FER: variants seen among roughly 807,000 people sequenced by gnomAD.
FER encodes tyrosine-protein kinase Fer.
FER carries 63 observed loss-of-function variants against 111.0 expected under a neutral mutation model. The observed-to-expected ratio is 0.57, with a 90% CI of 0.46 to 0.70. FER has a LOEUF of 0.70. Among genes scored for constraint, FER ranks in the 30% least tolerant of loss-of-function variants. The pLI is 0.00. For missense variants in FER, 914 were observed against 954.0 expected (o/e 0.96, Z 0.55); for synonymous variants, 327 against 313.9 (o/e 1.04, Z -0.44).
chr5:108,922,602 T>G (rs73209329), intron 10 of FER, among the ~76,000 whole-genome samples: 32,227 of 152,034 alleles, frequency 0.21, 4,134 homozygotes, highest in African/African-American at 0.37. Flanking sequence ...GGCACCTAAT[T>G]AATGCTTAAT....
At chr5:108,768,828 A>T (rs1580432167) in intron 2 of FER, among the ~76,000 whole-genome samples, 1 of 146,548 alleles carries the variant, frequency 6.8e-6, no homozygotes, top group South Asian at 2.2e-4. Context: ...TTATAATACA[A>T]TTTTTTTTTT....
chr5:108,905,804 C>T (rs1241628202), intron 10 of FER, among the ~76,000 whole-genome samples: 1 of 152,100 alleles, frequency 6.6e-6, no homozygotes, highest in South Asian at 2.1e-4. Flanking sequence ...TACAGAATTT[C>T]AAAAGCAGGT....
chr5:108,798,024 T>C lies in FER; in HGVS notation c.-59-100T>C, dbSNP rs950644814. Reference sequence around the variant, plus strand: ...GGAAGAAAGTATTCAGTTGTGTTTTTTTTTTTTAACCCCAAAGAAGAATCT... The same window carrying C: ...GGAAGAAAGTATTCAGTTGTGTTTTCTTTTTTTAACCCCAAAGAAGAATCT... On this transcript the variant is annotated intron_variant, in intron 2 of 19. Transcript: ENST00000281092. The C allele has an allele frequency of 1.2e-5, 6 of 517,434 alleles. No individual in the cohort carries two copies. In the Admixed American group the frequency reaches 1.5e-4, roughly 13 times the overall value. The allele number at this position is 517,434 out of a possible 1,614,324, so 32.1% of individuals were successfully genotyped here.
intron 10 of FER, among the ~76,000 whole-genome samples, chr5:108,942,879 C>T (rs1276071942): frequency 1.3e-5 from 2 of 152,072 alleles, no homozygotes; most frequent in Non-Finnish European, 2.9e-5. Context: ...ATTTGGCACT[C>T]AGCCTGGAGT....
intron 16 of FER, 32 bp from the exon 17 acceptor site, chr5:109,100,362 CTT>C: frequency 1.9e-6 from 3 of 1,604,622 alleles, no homozygotes; most frequent in Non-Finnish European, 2.6e-6. Flanking sequence ...TTCATCATAA[CTT>C]TGTCTCATTG....
intron 17 of FER, 132 bp downstream of exon 17, chr5:109,100,651 A>G: frequency 1.1e-6 from 1 of 897,532 alleles, no homozygotes; most frequent in Non-Finnish European, 1.7e-6. Flanking sequence ...TTTGTGTGAA[A>G]GTGTCCTCTG....
intron 16 of FER, among the ~76,000 whole-genome samples, chr5:109,055,067 G>T (rs1773447012): frequency 6.6e-6 from 1 of 152,138 alleles, no homozygotes; most frequent in South Asian, 2.1e-4. Flanking sequence ...AAAGGGGAAA[G>T]AATAGTCTGC....
At chr5:109,135,905 C>T (rs1483843197) in intron 17 of FER, among the ~76,000 whole-genome samples, 3 of 151,984 alleles carry the variant, frequency 2.0e-5, no homozygotes, top group Non-Finnish European at 2.9e-5. Context: ...TTCTGTATGA[C>T]CTTACTTCCT....
In FER at chr5:109,165,895, C is replaced by G. The variant is rs192678803; in HGVS notation, c.2049-14852C>G. 8.3e-3 allele frequency among the ~76,000 whole-genome samples: 1,193 copies of G among 143,020 alleles called. 12 individuals carry two copies. The highest frequency in any genetic ancestry group is 0.031 in the African/African-American group (1,156 of 37,756). The allele number at this position is 143,020 out of a possible 152,430, so 93.8% of individuals were successfully genotyped here. ...CCTTCAGCTGACCAAAACTGGCTGT[C>G]TATCAATAAACAATGTTTATAAAAC... On this transcript the variant is annotated intron_variant, in intron 17 of 19. Coordinates refer to ENST00000281092, the MANE Select transcript of FER (RefSeq NM_005246.4).
At chr5:109,001,896 A>C (rs1389119254) in intron 13 of FER, among the ~76,000 whole-genome samples, 1 of 152,210 alleles carries the variant, frequency 6.6e-6, no homozygotes, top group Non-Finnish European at 1.5e-5. Context: ...TGCTTCAAAG[A>C]GAACAAAATA....
At chr5:108,785,317 C>A in intron 2 of FER, 1 of 558,024 alleles carries the variant, frequency 1.8e-6, no homozygotes, top group Non-Finnish European at 3.5e-6. Flanking sequence ...TTATCAACAC[C>A]CTGTGCTTCA....
chr5:109,186,203 G>C lies in FER; in HGVS notation c.2207G>C (p.Arg736Thr). ...ATGGTTGTTGTTCCTCTTCCAGGGA[G>C]ATACAGTTCAGAGAGTGACGTGTGG... Reference protein sequence around the residue: ...WTAPEALNYGRYSSESDVWSF... With the variant: ...WTAPEALNYGTYSSESDVWSF... Residue 736 changes from arginine to threonine, a missense_variant, in exon 19 of 20, where the codon AGA (arginine) becomes ACA (threonine). Physicochemically the swap from Arg to Thr is moderately conservative, Grantham distance 71. Coordinates refer to ENST00000281092, the MANE Select transcript of FER (RefSeq NM_005246.4). 1.2e-6 allele frequency: 2 copies of C among 1,614,114 alleles called. No homozygotes were observed.
chr5:109,182,943 G>A (rs1008579404), intron 18 of FER, among the ~76,000 whole-genome samples: 2 of 152,256 alleles, frequency 1.3e-5, no homozygotes, highest in South Asian at 4.1e-4. Context: ...CAGGGCTCAA[G>A]CAGTCCTCCC....
intron 13 of FER, among the ~76,000 whole-genome samples, chr5:108,992,940 G>C (rs2149753527): frequency 6.6e-6 from 1 of 151,548 alleles, no homozygotes; most frequent in South Asian, 2.1e-4. Context: ...CTCCGACGAT[G>C]GGCGGCCGGG....
intron 2 of FER, among the ~76,000 whole-genome samples, chr5:108,776,197 T>A (rs1403255892): frequency 2.6e-5 from 4 of 152,162 alleles, no homozygotes; most frequent in African/African-American, 9.7e-5. Context: ...TAAGAATATA[T>A]GTTGGGGGAA....
At chr5:108,861,447 A>G (rs1033263985) in intron 5 of FER, among the ~76,000 whole-genome samples, 3 of 152,202 alleles carry the variant, frequency 2.0e-5, no homozygotes, top group African/African-American at 7.2e-5. Context: ...GTTGTGGCAA[A>G]CAAATTATAA....
At chr5:109,017,324 G>C (rs1221293385) in intron 13 of FER, among the ~76,000 whole-genome samples, 4 of 151,912 alleles carry the variant, frequency 2.6e-5, no homozygotes, top group Non-Finnish European at 5.9e-5. Context: ...AGACAAGATA[G>C]TTATTATAGA....
chr5:108,851,002 T>G (rs559930113), intron 5 of FER, among the ~76,000 whole-genome samples: 11 of 152,258 alleles, frequency 7.2e-5, no homozygotes, highest in Non-Finnish European at 1.5e-4. Context: ...TTAACCTAAG[T>G]TTTAGAGTCT....
rs779666950 is a variant in FER, at chr5:109,037,418, G to T, written c.1657-4G>T. Reference sequence around the variant, plus strand: ...TAAACAACTGTTCTTATTCTTTGCTGTAGGACAAGAAATGGATTCTCAGTC... The same window carrying T: ...TAAACAACTGTTCTTATTCTTTGCTTTAGGACAAGAAATGGATTCTCAGTC... On this transcript the variant is annotated splice_region_variant and splice_polypyrimidine_tract_variant and intron_variant, in intron 13 of 19. Transcript: ENST00000281092. The T allele has an allele frequency of 6.2e-7, 1 of 1,610,682 alleles. No homozygotes were observed. The highest frequency in any genetic ancestry group is 8.5e-7 in the Non-Finnish European group (1 of 1,177,490).
Sources: gnomAD v4.1 joint callset for allele counts (sites outside exome capture counted in the v4.1 genomes callset) on GRCh38, gnomAD v4.1.1 for gene constraint, MANE v1.5 for transcripts, NCBI Gene and HGNC (gene_info 2026-07-23, HGNC 2026-07-21) for gene names.